The following ZSWIM5 variants were observed in gnomAD, a reference collection of about 807,000 sequenced individuals.
ZSWIM5 encodes the protein zinc finger SWIM-type containing 5, also known as zinc finger SWIM domain-containing protein 5.
Under a neutral mutation model 119.6 loss-of-function variants are expected in ZSWIM5, and 55 were observed. The observed-to-expected ratio is 0.46, with a 90% confidence interval of 0.37 to 0.58. ZSWIM5 has a LOEUF of 0.58. ZSWIM5 is among the 20% of genes least tolerant of loss of function. The pLI is 0.00. For missense variants in ZSWIM5, 1,193 were observed against 1,512.8 expected, an observed-to-expected ratio of 0.79 and a Z score of 3.51; for synonymous variants, 537 against 606.9, an observed-to-expected ratio of 0.88 and a Z score of 1.69.
intron 1 of ZSWIM5, among the ~76,000 whole-genome samples, chr1:45,091,212 C>T (rs1022302692): frequency 1.3e-5 from 2 of 152,094 alleles, no homozygotes; most frequent in Non-Finnish European, 2.9e-5. Context: ...AAACTAGGTG[C>T]TAAGAAAGTA....
In ZSWIM5 at chr1:45,036,042, C is replaced by T. The variant is rs1644981073; in HGVS notation, c.2152G>A (p.Glu718Lys). The T allele has an allele frequency of 6.2e-7, 1 of 1,613,310 alleles. No individual in the cohort carries two copies. The highest frequency in any genetic ancestry group is 8.5e-7 in the Non-Finnish European group (1 of 1,179,378). The change falls in exon 9 of 14, where the codon GAA becomes AAA. Residue 718 changes from glutamate to lysine, a missense_variant. Physicochemically the swap from Glu to Lys is moderately conservative, Grantham distance 56. Transcript: ENST00000359600. ...CAAGAGACTCTTTTCTACTTACCTTCCAGCAGTAAGATGCATTGTTTTTGC... is the reference window on the plus strand; with the variant it reads ...CAAGAGACTCTTTTCTACTTACCTTTCAGCAGTAAGATGCATTGTTTTTGC... ...TLQKQCILLLEGGPFSGLGEV... is the reference protein window; with the variant it reads ...TLQKQCILLLKGGPFSGLGEV...
chr1:45,034,264 G>T, intron 11 of ZSWIM5, 48 bp downstream of exon 11: 1 of 1,525,130 alleles, frequency 6.6e-7, no homozygotes, highest in South Asian at 1.3e-5. Context: ...TGCCATGGTT[G>T]GGCAGGCAGA....
chr1:45,098,367 C>T lies in ZSWIM5; in HGVS notation c.596-10130G>A, dbSNP rs12024401. Among the ~76,000 whole-genome samples the T allele has an allele frequency of 9.1e-4, 138 of 152,294 alleles. 2 individuals are homozygous for T. The East Asian group carries it at 0.023, about 26-fold the overall frequency. ...ATTCTAGTTCCTCCACTTTAACTCC[C>T]CTAACACCACCTCAATTTGAGATCA... On this transcript the variant is annotated intron_variant, in intron 1 of 13. Transcript: ENST00000359600.
intron 1 of ZSWIM5, among the ~76,000 whole-genome samples, chr1:45,129,149 T>C (rs1410958545): frequency 6.8e-6 from 1 of 147,368 alleles, no homozygotes; most frequent in Non-Finnish European, 1.5e-5. Flanking sequence ...CTCACATACA[T>C]CTTGTTTTTT....
At chr1:45,192,652 T>C (rs1557794974) in intron 1 of ZSWIM5, among the ~76,000 whole-genome samples, 1 of 152,198 alleles carries the variant, frequency 6.6e-6, no homozygotes, top group African/African-American at 2.4e-5. Context: ...TTCCCTGCTT[T>C]CAATTATTTT....
rs1386846067 is a variant in ZSWIM5 at position 45,206,100 on chromosome 1, T to C, written c.251A>G (p.Glu84Gly). The change falls in exon 1 of 14, where the codon GAG becomes GGG. Residue 84 changes from glutamate to glycine, a missense_variant. Glu to Gly is a moderately conservative substitution (Grantham distance 98). Around this residue, in one of 2 missense-constraint regions of ZSWIM5, gnomAD observed 232 missense variants for 222.9 expected, o/e 1.04. Coordinates refer to ENST00000359600, the MANE Select transcript of ZSWIM5 (RefSeq NM_020883.2). ...GGGCTCCGGGATCCGCTCGAAGCGC[T>C]CCTCCACCCGTTCGTATGCCCACTT... is the stretch of plus-strand genomic sequence containing the variant. Reference protein sequence around the residue: ...AEKWAYERVEERFERIPEPVQ... With the variant: ...AEKWAYERVEGRFERIPEPVQ... 6.2e-7 allele frequency: 1 copy of C among 1,611,660 alleles called. No individual in the cohort carries two copies. The highest frequency in any genetic ancestry group is 1.1e-5 in the South Asian group (1 of 90,986).
At position 45,203,327 on chromosome 1, in the gene ZSWIM5, T is replaced by C. The variant is rs74070899; in HGVS notation, c.595+2429A>G. 6.7e-3 allele frequency among the ~76,000 whole-genome samples: 1,020 copies of C among 152,162 alleles called. 10 individuals carry two copies. The highest frequency in any genetic ancestry group is 0.022 in the African/African-American group (911 of 41,582). On this transcript the variant is annotated intron_variant, in intron 1 of 13. Coordinates refer to ENST00000359600, the MANE Select transcript of ZSWIM5 (RefSeq NM_020883.2). ...CAAGTTTTTGTTTGTTTTTAATTTA[T>C]TTGCCTTGAAGGCTTTTTTGTTTGT... is the stretch of plus-strand genomic sequence containing the variant.
intron 12 of ZSWIM5, among the ~76,000 whole-genome samples, chr1:45,020,350 C>T (rs1411721960): frequency 1.3e-5 from 2 of 152,234 alleles, no homozygotes; most frequent in Admixed American, 6.5e-5. Context: ...CAGCAAAGTC[C>T]TTATTATCAT....
At chr1:45,181,768 G>A (rs919804730) in intron 1 of ZSWIM5, among the ~76,000 whole-genome samples, 9 of 152,022 alleles carry the variant, frequency 5.9e-5, no homozygotes, top group African/African-American at 2.2e-4. Context: ...GAGAGTGGGG[G>A]CCAATATTCA....
chr1:45,036,873 G>T (rs1570004643), intron 8 of ZSWIM5, among the ~76,000 whole-genome samples: 1 of 152,134 alleles, frequency 6.6e-6, no homozygotes, highest in Non-Finnish European at 1.5e-5. Context: ...ATGGGTCACT[G>T]ATGCAGCCTC....
chr1:45,171,449 C>T (rs1029064655), intron 1 of ZSWIM5, among the ~76,000 whole-genome samples: 1 of 152,008 alleles, frequency 6.6e-6, no homozygotes, highest in African/African-American at 2.4e-5. Flanking sequence ...AGGTAACTGA[C>T]AAAGATTAAT....
At chr1:45,078,575 A>T (rs1645269157) in intron 2 of ZSWIM5, among the ~76,000 whole-genome samples, 1 of 152,188 alleles carries the variant, frequency 6.6e-6, no homozygotes, top group South Asian at 2.1e-4. Flanking sequence ...GTGGTGTGAC[A>T]TAAGTACCCT....
At chr1:45,032,281 A>G (rs1350990461) in intron 11 of ZSWIM5, among the ~76,000 whole-genome samples, 1 of 151,936 alleles carries the variant, frequency 6.6e-6, no homozygotes, top group Non-Finnish European at 1.5e-5. Flanking sequence ...GGTGCTTGCC[A>G]GTACACCTGG....
chr1:45,020,679 G>A lies in ZSWIM5; in HGVS notation c.2559C>T (p.Thr853=), dbSNP rs189728999. The A allele has an allele frequency of 4.3e-5, 69 of 1,614,162 alleles. No homozygotes were observed. In the East Asian group the frequency reaches 7.1e-4, roughly 17 times the overall value. The part of the protein sequence containing the change: ...AQDAFKIATP[T]DSSTDSTLLN... ...GCAGGGTGCTGTCAGTACTACTGTC[G>A]GTGGGAGTAGCAATCTTGAATGCAT... The change falls in exon 12 of 14, where the codon ACC becomes ACT. Residue 853 remains threonine, a synonymous_variant. Coordinates refer to ENST00000359600, the MANE Select transcript of ZSWIM5 (RefSeq NM_020883.2).
At chr1:45,123,428 C>A (rs543071677) in intron 1 of ZSWIM5, among the ~76,000 whole-genome samples, 1 of 151,932 alleles carries the variant, frequency 6.6e-6, no homozygotes, top group Non-Finnish European at 1.5e-5. Flanking sequence ...CAAAGAAGAA[C>A]AAAGTGGAAA....
At chr1:45,081,421 C>T (rs1645289649) in intron 2 of ZSWIM5, among the ~76,000 whole-genome samples, 2 of 152,336 alleles carry the variant, frequency 1.3e-5, no homozygotes, top group African/African-American at 2.4e-5. Context: ...CCTGATTCTC[C>T]TGCCTCAGCC....
chr1:45,182,403 C>CAAAAAA (rs1164921724), intron 1 of ZSWIM5, among the ~76,000 whole-genome samples: 4 of 116,892 alleles, frequency 3.4e-5, no homozygotes, highest in East Asian at 2.3e-4. Flanking sequence ...GACTCCGTCT[C>CAAAAAA]AAAAAAACAA....
chr1:45,048,033 GTTTCTTTCTTTC>G (rs139548010), intron 5 of ZSWIM5, among the ~76,000 whole-genome samples: 32 of 128,222 alleles, frequency 2.5e-4, no homozygotes, highest in Middle Eastern at 4.1e-3. Context: ...TATTATGGTT[GTTTCTTTCTTTC>G]TTTCTTTCTT....
At chr1:45,177,799 G>A (rs955909392) in intron 1 of ZSWIM5, among the ~76,000 whole-genome samples, 3 of 152,002 alleles carry the variant, frequency 2.0e-5, no homozygotes, top group Non-Finnish European at 4.4e-5. Flanking sequence ...AATGCAAGCA[G>A]AAAAATCCCT....
Sources: gnomAD v4.1 joint callset for allele counts (sites outside exome capture counted in the v4.1 genomes callset) on GRCh38, gnomAD v4.1.1 for gene constraint, gnomAD v4.1.1 regional missense constraint, MANE v1.5 for transcripts, NCBI Gene and HGNC (gene_info 2026-07-23, HGNC 2026-07-21) for gene names.